CAMTA1: variants seen among roughly 807,000 people sequenced by gnomAD.
CAMTA1 encodes calmodulin-binding transcription activator 1.
Under a neutral mutation model 170.9 loss-of-function variants are expected in CAMTA1, and 27 were observed. The ratio of observed to expected loss-of-function variants is 0.16; its 90% CI spans 0.12 to 0.22. The LOEUF (loss-of-function observed/expected upper bound fraction) is 0.22, where lower values mean the gene tolerates loss of function less well. CAMTA1 is among the 10% of genes least tolerant of loss of function. The pLI is 1.00. For missense variants in CAMTA1, 1,619 were observed against 2,217.2 expected (o/e 0.73, Z 5.42); for synonymous variants, 833 against 891.5 (o/e 0.93, Z 1.17).
rs941315402 is a variant in CAMTA1, at chr1:7,014,674, C to CA, written c.235-76625dup. ...CATAACCCAACGCTTGGCTTGGTTT[C>CA]AAAAAGGAAGCCTCTCCTCTCGGGT... is the stretch of plus-strand genomic sequence containing the variant. On this transcript the variant is annotated intron_variant, in intron 3 of 22. Transcript: ENST00000303635. This position sits in a 1 kb window ranked among gnomAD's most constrained non-coding sequence, Gnocchi z 4.2. 4.3e-4 allele frequency among the ~76,000 whole-genome samples: 65 copies of CA among 152,254 alleles called. No individual in the cohort carries two copies. Among genetic ancestry groups the CA allele is most frequent in the African/African-American group, 1.5e-3 (61 of 41,558 alleles).
chr1:6,885,799 C>T (rs990590370), intron 3 of CAMTA1, among the ~76,000 whole-genome samples: 3 of 152,154 alleles, frequency 2.0e-5, no homozygotes, highest in Non-Finnish European at 4.4e-5. Flanking sequence ...CTGCTGCCTC[C>T]CCTCCTCCTC....
Position 7,664,072 on chromosome 1 carries a change from A to G in CAMTA1, c.1525A>G (p.Ser509Gly), listed in dbSNP as rs1024140324. The change falls in exon 9 of 23, where the codon AGC becomes GGC. Residue 509 changes from serine (S) to glycine (G), a missense_variant. Transcript: ENST00000303635. ...TGGAGGCCTGAAAGCCGAGATGGTC[A>G]GCTCCAACATCCGGCACTCGCCACC... Reference protein sequence around the residue: ...GGGGLKAEMVSSNIRHSPPGE... With the variant: ...GGGGLKAEMVGSNIRHSPPGE... 1.2e-6 allele frequency: 2 copies of G among 1,613,728 alleles called. No individual in the cohort carries two copies. Among genetic ancestry groups the G allele is most frequent in the African/African-American group, 1.3e-5 (1 of 75,070 alleles).
chr1:7,319,215 G>T (rs920353675), intron 5 of CAMTA1, among the ~76,000 whole-genome samples: 2 of 152,112 alleles, frequency 1.3e-5, no homozygotes, highest in African/African-American at 4.8e-5. Context: ...CTGAAGGAAG[G>T]TTGAGGGTGA....
chr1:7,651,052 C>T (rs1360022412), intron 7 of CAMTA1, among the ~76,000 whole-genome samples: 1 of 152,144 alleles, frequency 6.6e-6, no homozygotes, highest in Admixed American at 6.5e-5. Flanking sequence ...GCCTCCGGCA[C>T]GTGGTTCATA....
At chr1:7,135,248 C>T (rs896293664) in intron 4 of CAMTA1, among the ~76,000 whole-genome samples, 2 of 151,892 alleles carry the variant, frequency 1.3e-5, no homozygotes, top group South Asian at 2.1e-4. Flanking sequence ...ATTAGCCAAG[C>T]GGGGTGGTGG....
At chr1:7,728,321 C>T (rs760589856) in intron 11 of CAMTA1, among the ~76,000 whole-genome samples, 10 of 152,212 alleles carry the variant, frequency 6.6e-5, no homozygotes, top group African/African-American at 9.6e-5. Context: ...ATGCGGGGAC[C>T]GCACTGCAGC....
intron 3 of CAMTA1, among the ~76,000 whole-genome samples, chr1:6,854,561 A>G (rs1466348616): frequency 6.6e-6 from 1 of 152,262 alleles, no homozygotes; most frequent in Non-Finnish European, 1.5e-5. Context: ...AATATGAAAT[A>G]CAACACTGCA....
rs1455821699 is a variant in CAMTA1, at chr1:7,738,533, C to G, written c.4182+51C>G. ...CGCAGAGGCTGGTGCGTTCCAGTTG[C>G]TGTGATCTTTATGGTCCATTTCCGA... On this transcript the variant is annotated intron_variant, in intron 16 of 22. Coordinates refer to ENST00000303635, the MANE Select transcript of CAMTA1 (RefSeq NM_015215.4). This position sits in a 1 kb window ranked among gnomAD's most constrained non-coding sequence, Gnocchi z 4.9. The G allele has an allele frequency of 6.4e-7, 1 of 1,565,048 alleles. No individual in the cohort carries two copies. Among genetic ancestry groups the G allele is most frequent in the Non-Finnish European group, 8.7e-7 (1 of 1,152,386 alleles).
At chr1:7,737,178 G>C (rs1444154519) in intron 14 of CAMTA1, 77 bp from the exon 15 acceptor site, 1 of 1,480,998 alleles carries the variant, frequency 6.8e-7, no homozygotes, top group East Asian at 2.3e-5. Context: ...CAGTTTGTCA[G>C]TTGGCAGCAA....
At chr1:7,699,053 T>TTTCTA (rs1421513317) in intron 11 of CAMTA1, among the ~76,000 whole-genome samples, 11 of 152,368 alleles carry the variant, frequency 7.2e-5, no homozygotes, top group Middle Eastern at 3.4e-3. Flanking sequence ...AATCCATTGA[T>TTTCTA]TTCTATTCTA....
In CAMTA1 at chr1:6,878,895, C is replaced by T. The variant is rs186288837; in HGVS notation, c.234+53685C>T. Among the ~76,000 whole-genome samples the T allele has an allele frequency of 1.8e-3, 275 of 152,340 alleles. 1 individual carries two copies. The highest frequency in any genetic ancestry group is 2.6e-3 in the Non-Finnish European group (175 of 68,032). On this transcript the variant is annotated intron_variant, in intron 3 of 22. Coordinates refer to ENST00000303635, the MANE Select transcript of CAMTA1 (RefSeq NM_015215.4). Reference sequence around the variant, plus strand: ...GATAGGCAGCTGTGCAACGGGATTACATACTAGTTGATACAAGTATGTTTT... The same window carrying T: ...GATAGGCAGCTGTGCAACGGGATTATATACTAGTTGATACAAGTATGTTTT...
chr1:7,438,979 G>C (rs992344658), intron 5 of CAMTA1, among the ~76,000 whole-genome samples: 1 of 152,194 alleles, frequency 6.6e-6, no homozygotes, highest in African/African-American at 2.4e-5. Flanking sequence ...TCACGGAGCC[G>C]CCTCTCATCA....
At chr1:6,840,904 T>C (rs995325205) in intron 3 of CAMTA1, among the ~76,000 whole-genome samples, 5 of 152,172 alleles carry the variant, frequency 3.3e-5, no homozygotes, top group Non-Finnish European at 7.4e-5. Flanking sequence ...TAACCAGTTA[T>C]CACAAATTTA....
chr1:7,397,113 A>G (rs2089378029), intron 5 of CAMTA1, among the ~76,000 whole-genome samples: 1 of 152,208 alleles, frequency 6.6e-6, no homozygotes, highest in Non-Finnish European at 1.5e-5. Context: ...CAATGAAGTC[A>G]TCAGGTCCTG....
rs139802886 is a variant in CAMTA1, at chr1:6,999,959, T to G, written c.235-91345T>G. Reference sequence around the variant, plus strand: ...TTCTTTTCTGAGAGCTGCCAGCCTCTATTGCAAGTCCCCCAACCAAGGGGT... The same window carrying G: ...TTCTTTTCTGAGAGCTGCCAGCCTCGATTGCAAGTCCCCCAACCAAGGGGT... On this transcript the variant is annotated intron_variant, in intron 3 of 22. Transcript: ENST00000303635. 1.2e-4 allele frequency among the ~76,000 whole-genome samples: 18 copies of G among 152,362 alleles called. No individual in the cohort carries two copies. In the East Asian group the frequency reaches 3.5e-3, roughly 29 times the overall value.
intron 3 of CAMTA1, among the ~76,000 whole-genome samples, chr1:6,952,919 G>T (rs1035724715): frequency 6.6e-6 from 1 of 152,126 alleles, no homozygotes; most frequent in African/African-American, 2.4e-5. Context: ...GAGGAAAACA[G>T]GGATCCCCCG....
chr1:7,056,838 G>A (rs771686468), intron 3 of CAMTA1, among the ~76,000 whole-genome samples: 1 of 152,126 alleles, frequency 6.6e-6, no homozygotes, highest in Non-Finnish European at 1.5e-5. Context: ...ACAGATAGAT[G>A]GTGTCTTTCC....
chr1:7,560,550 G>C (rs1022293580), intron 6 of CAMTA1, among the ~76,000 whole-genome samples: 1 of 152,272 alleles, frequency 6.6e-6, no homozygotes, highest in Non-Finnish European at 1.5e-5. Context: ...TCTGGGCCAT[G>C]AGTAAGGCCT....
intron 5 of CAMTA1, among the ~76,000 whole-genome samples, chr1:7,283,383 C>T (rs561205297): frequency 6.6e-6 from 1 of 152,184 alleles, no homozygotes; most frequent in South Asian, 2.1e-4. Context: ...CTTTCCCGCT[C>T]TCTACTTTCT....
Sources: gnomAD v4.1 joint callset for allele counts (sites outside exome capture counted in the v4.1 genomes callset) on GRCh38, gnomAD v4.1.1 for gene constraint, Gnocchi (gnomAD v3.1) non-coding constraint, MANE v1.5 for transcripts, NCBI Gene and HGNC (gene_info 2026-07-23, HGNC 2026-07-21) for gene names.